Variants in WSCD2 observed in about 807,000 individuals in gnomAD.
WSCD2 encodes the protein WSC domain sialate O sulfotransferase 2.
In WSCD2, 28 loss-of-function variants were observed where a neutral mutation model predicts 55.7. The ratio of observed to expected loss-of-function variants is 0.50; its 90% CI spans 0.37 to 0.69. The LOEUF is 0.69. WSCD2 is among the 30% of genes least tolerant of loss of function. The pLI, the probability that WSCD2 is intolerant of heterozygous loss-of-function variation, is 0.00. For missense variants in WSCD2, 616 were observed against 762.1 expected, an observed-to-expected ratio of 0.81 and a Z score of 2.26; for synonymous variants, 301 against 301.9, an observed-to-expected ratio of 1.00 and a Z score of 0.03.
intron 8 of WSCD2, 30 bp from the exon 9 acceptor site, chr12:108,247,961 C>T: frequency 6.3e-7 from 1 of 1,595,266 alleles, no homozygotes; most frequent in Non-Finnish European, 8.6e-7. Flanking sequence ...CCTCCTCCCT[C>T]TGACTGTGTC....
Position 108,248,541 on chromosome 12 carries a change from C to T in WSCD2, c.*198C>T. 9 of 1,399,146 alleles carry T rather than the reference C, an allele frequency of 6.4e-6. No homozygotes were observed. The highest frequency in any genetic ancestry group is 8.3e-6 in the Non-Finnish European group (9 of 1,079,204). The allele number at this position is 1,399,146 out of a possible 1,614,324, so 86.7% of individuals were successfully genotyped here. A position where few individuals can be genotyped will look rare whatever the true frequency, so the allele number is the denominator to read the frequency against. On this transcript the variant is annotated 3_prime_UTR_variant, in exon 9 of 9. Transcript: ENST00000547525. This position sits in a 1 kb window ranked among gnomAD's most constrained non-coding sequence, Gnocchi z 4.3. ...AGATTGCCCAGGCACTACCACTCTG[C>T]TCACATGTTCCCCCCTTGGCAATGT...
intron 8 of WSCD2, among the ~76,000 whole-genome samples, chr12:108,241,585 A>G (rs1317563640): frequency 6.6e-6 from 1 of 152,214 alleles, no homozygotes; most frequent in Admixed American, 6.5e-5. Context: ...CAATGAGTAT[A>G]AAGTTACAGT....
intron 7 of WSCD2, among the ~76,000 whole-genome samples, chr12:108,237,480 A>G (rs1193816807): frequency 6.6e-6 from 1 of 152,176 alleles, no homozygotes; most frequent in African/African-American, 2.4e-5. Context: ...GACAGTGGAG[A>G]GGGGGACACC....
intron 1 of WSCD2, among the ~76,000 whole-genome samples, chr12:108,184,806 CA>C (rs1210034733): frequency 6.6e-6 from 1 of 152,228 alleles, no homozygotes; most frequent in Non-Finnish European, 1.5e-5. Context: ...TTTATATGGA[CA>C]GAGGTTATTT....
At chr12:108,138,523 G>T (rs114960790) in intron 1 of WSCD2, among the ~76,000 whole-genome samples, 1 of 152,098 alleles carries the variant, frequency 6.6e-6, no homozygotes, top group South Asian at 2.1e-4. Context: ...TACCTCATAG[G>T]GTTCTTACAG....
intron 7 of WSCD2, among the ~76,000 whole-genome samples, chr12:108,239,577 G>A (rs187542038): frequency 5.4e-4 from 82 of 152,228 alleles, no homozygotes; most frequent in African/African-American, 1.3e-3. Context: ...ACCTACTTCC[G>A]CCCTCATTCT....
At chr12:108,235,646 G>GA (rs1050778235) in intron 7 of WSCD2, among the ~76,000 whole-genome samples, 9 of 151,956 alleles carry the variant, frequency 5.9e-5, no homozygotes, top group African/African-American at 2.2e-4. Context: ...TGATTTAAAA[G>GA]AAAAAAAAGA....
chr12:108,164,161 T>TTTTTTTTTTTTTTTTTTTGTG (rs1555224811), intron 1 of WSCD2, among the ~76,000 whole-genome samples: 1 of 146,086 alleles, frequency 6.8e-6, no homozygotes, highest in Non-Finnish European at 1.5e-5. Flanking sequence ...TTTTTTTTTT[T>TTTTTTTTTTTTTTTTTTTGTG]TCAGAGAGGG....
At chr12:108,172,688 G>A (rs1445589059) in intron 1 of WSCD2, among the ~76,000 whole-genome samples, 2 of 152,144 alleles carry the variant, frequency 1.3e-5, no homozygotes, top group Non-Finnish European at 2.9e-5. Flanking sequence ...CTGGAAGAGG[G>A]GCACAGAACA....
intron 1 of WSCD2, among the ~76,000 whole-genome samples, chr12:108,133,314 T>C (rs925710483): frequency 2.6e-5 from 4 of 152,198 alleles, no homozygotes; most frequent in Non-Finnish European, 5.9e-5. Context: ...GTAACTTTTG[T>C]CTCACGTATG....
At chr12:108,211,817 C>A (rs1433924086) in intron 4 of WSCD2, among the ~76,000 whole-genome samples, 2 of 70,710 alleles carry the variant, frequency 2.8e-5, no homozygotes, top group Non-Finnish European at 6.3e-5. Context: ...CCATGCCTGG[C>A]TAATTTTTTT....
At chr12:108,147,864 AAAAAAAG>A (rs894329804) in intron 1 of WSCD2, among the ~76,000 whole-genome samples, 2 of 151,826 alleles carry the variant, frequency 1.3e-5, no homozygotes, top group African/African-American at 4.8e-5. Flanking sequence ...CTCAGAAAAA[AAAAAAAG>A]AAAAAAGAAA....
At chr12:108,150,061 A>G (rs968794402) in intron 1 of WSCD2, among the ~76,000 whole-genome samples, 5 of 152,174 alleles carry the variant, frequency 3.3e-5, no homozygotes, top group African/African-American at 1.2e-4. Context: ...ATGATGGATT[A>G]TTATGTGCTG....
intron 8 of WSCD2, among the ~76,000 whole-genome samples, chr12:108,246,430 T>C (rs1377070221): frequency 6.6e-6 from 1 of 152,196 alleles, no homozygotes; most frequent in Non-Finnish European, 1.5e-5. Context: ...TCTCAGTTCA[T>C]GGTTTTGGAG....
intron 1 of WSCD2, among the ~76,000 whole-genome samples, chr12:108,151,650 C>T (rs1033917974): frequency 4.6e-5 from 7 of 152,188 alleles, no homozygotes; most frequent in African/African-American, 7.2e-5. Context: ...TCTGCCATGC[C>T]TCCTGATCCA....
At chr12:108,235,994 T>G (rs779511468) in intron 7 of WSCD2, among the ~76,000 whole-genome samples, 2 of 152,152 alleles carry the variant, frequency 1.3e-5, no homozygotes, top group Non-Finnish European at 2.9e-5. Flanking sequence ...CTTCATGAAA[T>G]CCTTTGCCGC....
intron 2 of WSCD2, among the ~76,000 whole-genome samples, chr12:108,199,819 T>C (rs1177564347): frequency 6.6e-6 from 1 of 152,206 alleles, no homozygotes; most frequent in Non-Finnish European, 1.5e-5. Context: ...AACCAGTATG[T>C]GAACCCAGGT....
chr12:108,166,995 A>G (rs928980539), intron 1 of WSCD2, among the ~76,000 whole-genome samples: 6 of 151,574 alleles, frequency 4.0e-5, no homozygotes, highest in African/African-American at 7.3e-5. Context: ...TATTTTTAGT[A>G]GAGGCAGGGT....
chr12:108,208,332 T>C (rs1332920150), intron 3 of WSCD2, among the ~76,000 whole-genome samples: 1 of 152,192 alleles, frequency 6.6e-6, no homozygotes, highest in Non-Finnish European at 1.5e-5. Flanking sequence ...ACAAGACCCC[T>C]ATGAGGCAGG....
Sources: allele counts gnomAD v4.1 joint callset (sites outside exome capture counted in the v4.1 genomes callset), GRCh38; gene constraint gnomAD v4.1.1; non-coding constraint Gnocchi (gnomAD v3.1); transcripts MANE v1.5; gene names NCBI Gene and HGNC (gene_info 2026-07-23, HGNC 2026-07-21).